The following BMERB1 variants were observed in gnomAD, a reference collection of about 807,000 sequenced individuals.
BMERB1 encodes the protein bMERB domain containing 1, also known as bMERB domain-containing protein 1.
BMERB1 carries 12 observed loss-of-function variants against 23.6 expected under a neutral mutation model. That is an observed-to-expected ratio of 0.51 (90% CI 0.33 to 0.82). BMERB1 has a LOEUF of 0.82. Among genes scored for constraint, BMERB1 ranks in the 40% least tolerant of loss-of-function variants. The pLI is 0.03. For synonymous variants in BMERB1, 122 were observed against 96.6 expected (o/e 1.26, Z -1.54); for missense variants, 247 against 255.4 (o/e 0.97, Z 0.22).
At chr16:15,487,497 G>A (rs1247588499) in intron 1 of BMERB1, among the ~76,000 whole-genome samples, 1 of 152,060 alleles carries the variant, frequency 6.6e-6, no homozygotes, top group African/African-American at 2.4e-5. Context: ...AAGGGGTCCC[G>A]ATCCAGACCC....
intron 5 of BMERB1, chr16:15,584,237 G>GT (rs2031085442): frequency 1.8e-6 from 1 of 552,320 alleles, no homozygotes; most frequent in Non-Finnish European, 3.2e-6. Context: ...TTTAACTGCT[G>GT]TATTAGTGAG....
At chr16:15,567,931 G>T in intron 2 of BMERB1, 52 bp from the exon 3 acceptor site, 1 of 1,531,832 alleles carries the variant, frequency 6.5e-7, no homozygotes, top group Non-Finnish European at 9.0e-7. Context: ...GATGCTCAGG[G>T]CGTAATGCTC....
At chr16:15,506,239 G>A (rs954264611) in intron 1 of BMERB1, among the ~76,000 whole-genome samples, 5 of 151,590 alleles carry the variant, frequency 3.3e-5, no homozygotes, top group Non-Finnish European at 7.4e-5. Flanking sequence ...GCCGCGGTGC[G>A]ATCTCTGCTC....
chr16:15,574,674 A>C (rs983223294), intron 3 of BMERB1, among the ~76,000 whole-genome samples: 10 of 152,088 alleles, frequency 6.6e-5, no homozygotes, highest in African/African-American at 2.4e-4. Flanking sequence ...TTACATATCA[A>C]TTTTGGCCTA....
At chr16:15,507,737 T>C (rs917461140) in intron 1 of BMERB1, among the ~76,000 whole-genome samples, 1 of 152,138 alleles carries the variant, frequency 6.6e-6, no homozygotes, top group African/African-American at 2.4e-5. Context: ...AAGTTCAGAC[T>C]GGAAAGAAGC....
intron 3 of BMERB1, among the ~76,000 whole-genome samples, chr16:15,570,308 A>G (rs1489380641): frequency 6.6e-6 from 1 of 152,178 alleles, no homozygotes; most frequent in Non-Finnish European, 1.5e-5. Flanking sequence ...GGCCCAGCAC[A>G]CAGTGGGTGC....
At chr16:15,499,561 TC>T (rs2051507199) in intron 1 of BMERB1, among the ~76,000 whole-genome samples, 1 of 152,178 alleles carries the variant, frequency 6.6e-6, no homozygotes, top group African/African-American at 2.4e-5. Context: ...ATCAGCCAGT[TC>T]TGCATAATCT....
chr16:15,494,936 T>G (rs1451289452), intron 1 of BMERB1, among the ~76,000 whole-genome samples: 1 of 140,836 alleles, frequency 7.1e-6, no homozygotes, highest in East Asian at 2.2e-4. Context: ...CAGGCTGGAG[T>G]GCAGTGGCTC....
intron 1 of BMERB1, among the ~76,000 whole-genome samples, chr16:15,484,360 A>T (rs2051349897): frequency 6.6e-6 from 1 of 151,990 alleles, no homozygotes; most frequent in African/African-American, 2.4e-5. Context: ...TCCTTTTGTG[A>T]AATCTCTGAT....
intron 1 of BMERB1, among the ~76,000 whole-genome samples, chr16:15,486,396 A>G (rs2051368901): frequency 6.6e-6 from 1 of 152,102 alleles, no homozygotes; most frequent in African/African-American, 2.4e-5. Flanking sequence ...ATTGTGAATC[A>G]AGGAGGTCCC....
chr16:15,545,119 C>T (rs1354384168), intron 2 of BMERB1, among the ~76,000 whole-genome samples: 1 of 152,044 alleles, frequency 6.6e-6, no homozygotes, highest in Admixed American at 6.6e-5. Context: ...ATTATAGGCA[C>T]CCGCCACCAC....
intron 1 of BMERB1, chr16:15,502,436 G>T: frequency 7.5e-7 from 1 of 1,334,612 alleles, no homozygotes; most frequent in South Asian, 1.3e-5. Flanking sequence ...GGGAGAAATC[G>T]AGCAGCCAGG....
chr16:15,476,730 G>C (rs192680656), intron 1 of BMERB1, among the ~76,000 whole-genome samples: 1 of 152,168 alleles, frequency 6.6e-6, no homozygotes. Flanking sequence ...GGAGAGAGAC[G>C]GGAGACCCAT....
At chr16:15,499,414 A>G (rs1483603977) in intron 1 of BMERB1, among the ~76,000 whole-genome samples, 4 of 151,994 alleles carry the variant, frequency 2.6e-5, no homozygotes, top group Non-Finnish European at 5.9e-5. Context: ...TAAAAATAAA[A>G]AACAAAAAAA....
intron 1 of BMERB1, among the ~76,000 whole-genome samples, chr16:15,435,738 T>C (rs968581921): frequency 2.6e-5 from 4 of 152,220 alleles, no homozygotes; most frequent in African/African-American, 7.2e-5. Flanking sequence ...TATTCTGTCC[T>C]CACCTGGTGG....
chr16:15,555,649 T>TA (rs2030233400), intron 2 of BMERB1, among the ~76,000 whole-genome samples: 1 of 152,166 alleles, frequency 6.6e-6, no homozygotes, highest in South Asian at 2.1e-4. Context: ...AAAACAGACA[T>TA]ATTGGCCTTC....
rs557129097 is a variant in BMERB1, at chr16:15,521,770, G to A, written c.230+6342G>A. ...AGGGCAGTAACACAAAACTGCCTCC[G>A]GAAAACAGGCAGCAAACATCTGGCA... On this transcript the variant is annotated intron_variant, in intron 2 of 5. Coordinates refer to ENST00000300006, the MANE Select transcript of BMERB1 (RefSeq NM_033201.3). 4.4e-4 allele frequency among the ~76,000 whole-genome samples: 67 copies of A among 152,206 alleles called. No individual in the cohort carries two copies. The South Asian group carries it at 0.012, about 28-fold the overall frequency.
At chr16:15,533,934 C>T (rs1314342531) in intron 2 of BMERB1, among the ~76,000 whole-genome samples, 1 of 152,088 alleles carries the variant, frequency 6.6e-6, no homozygotes, top group Non-Finnish European at 1.5e-5. Flanking sequence ...ATCCAAAATC[C>T]AGCTGTACAA....
At chr16:15,468,635 G>C (rs989930282) in intron 1 of BMERB1, among the ~76,000 whole-genome samples, 1 of 152,058 alleles carries the variant, frequency 6.6e-6, no homozygotes, top group Non-Finnish European at 1.5e-5. Flanking sequence ...TTAGAATTTT[G>C]TTTTTGGTTT....
Sources: allele counts gnomAD v4.1 joint callset (sites outside exome capture counted in the v4.1 genomes callset), GRCh38; gene constraint gnomAD v4.1.1; transcripts MANE v1.5; gene names NCBI Gene and HGNC (gene_info 2026-07-23, HGNC 2026-07-21).